The following TAFA4 variants were observed in gnomAD, a reference collection of about 807,000 sequenced individuals.
The protein encoded by TAFA4 is chemokine-like protein TAFA-4.
Under a neutral mutation model 21.1 loss-of-function variants are expected in TAFA4, and 20 were observed. That is an observed-to-expected ratio of 0.95 (90% CI 0.67 to 1.38). The LOEUF (loss-of-function observed/expected upper bound fraction) is 1.38, where lower values mean the gene tolerates loss of function less well. Among genes scored for constraint, TAFA4 ranks in the 40% most tolerant of loss-of-function variants. The pLI, the probability that TAFA4 is intolerant of heterozygous loss-of-function variation, is 0.00. For missense variants in TAFA4, 211 were observed against 180.9 expected, an observed-to-expected ratio of 1.17 and a Z score of -0.95; for synonymous variants, 71 against 67.4, an observed-to-expected ratio of 1.05 and a Z score of -0.26.
chr3:68,875,714 C>A (rs1368870685), intron 3 of TAFA4, among the ~76,000 whole-genome samples: 1 of 152,048 alleles, frequency 6.6e-6, no homozygotes, highest in Admixed American at 6.6e-5. Flanking sequence ...AACTTTAAGA[C>A]TTAATGGTTG....
intron 1 of TAFA4, among the ~76,000 whole-genome samples, chr3:68,902,300 C>A (rs575020921): frequency 1.3e-5 from 2 of 152,272 alleles, no homozygotes; most frequent in African/African-American, 4.8e-5. Flanking sequence ...AGGTATTCCA[C>A]AATCAATGCA....
At chr3:68,920,536 A>G (rs1218378055) in intron 1 of TAFA4, among the ~76,000 whole-genome samples, 1 of 151,990 alleles carries the variant, frequency 6.6e-6, no homozygotes, top group Non-Finnish European at 1.5e-5. Flanking sequence ...TATACTAAAT[A>G]TTTTAAATAT....
At chr3:68,788,440 A>G (rs1355916860) in intron 3 of TAFA4, among the ~76,000 whole-genome samples, 1 of 152,188 alleles carries the variant, frequency 6.6e-6, no homozygotes, top group Non-Finnish European at 1.5e-5. Flanking sequence ...TTAAAAGCAC[A>G]AGTCTTTGCT....
intron 3 of TAFA4, among the ~76,000 whole-genome samples, chr3:68,845,015 C>G (rs1238324517): frequency 1.3e-5 from 2 of 152,148 alleles, no homozygotes; most frequent in Admixed American, 6.5e-5. Flanking sequence ...GAGGAGCGTT[C>G]TGTAGAGATC....
At chr3:68,892,720 G>A (rs1575660977) in intron 1 of TAFA4, among the ~76,000 whole-genome samples, 1 of 152,154 alleles carries the variant, frequency 6.6e-6, no homozygotes, top group Admixed American at 6.6e-5. Flanking sequence ...AAACCACACA[G>A]CATCTTCATT....
chr3:68,816,430 A>C (rs1703977914), intron 3 of TAFA4, among the ~76,000 whole-genome samples: 1 of 152,132 alleles, frequency 6.6e-6, no homozygotes, highest in African/African-American at 2.4e-5. Context: ...AAAATCGTTT[A>C]TGTACTTGAG....
chr3:68,770,070 AGT>A (rs1702924772), intron 3 of TAFA4, among the ~76,000 whole-genome samples: 2 of 152,184 alleles, frequency 1.3e-5, no homozygotes, highest in South Asian at 4.1e-4. Flanking sequence ...CCTCCAAGCC[AGT>A]CAGGAAATCA....
At chr3:68,892,205 T>C (rs139020890) in intron 1 of TAFA4, among the ~76,000 whole-genome samples, 38 of 152,350 alleles carry the variant, frequency 2.5e-4, no homozygotes, top group African/African-American at 8.9e-4. Flanking sequence ...CACCAATATG[T>C]GGTATATACC....
At chr3:68,910,053 G>T (rs1301885924) in intron 1 of TAFA4, among the ~76,000 whole-genome samples, 2 of 152,192 alleles carry the variant, frequency 1.3e-5, no homozygotes, top group African/African-American at 4.8e-5. Context: ...AAGGTCACCT[G>T]CAGTCCTTTA....
At chr3:68,812,867 T>C (rs1703873268) in intron 3 of TAFA4, among the ~76,000 whole-genome samples, 1 of 151,290 alleles carries the variant, frequency 6.6e-6, no homozygotes, top group Admixed American at 6.6e-5. Context: ...ATCAACAGAA[T>C]ATACATTCTT....
intron 3 of TAFA4, among the ~76,000 whole-genome samples, chr3:68,829,423 CT>C (rs1404460873): frequency 1.3e-5 from 2 of 152,124 alleles, no homozygotes; most frequent in Non-Finnish European, 2.9e-5. Flanking sequence ...TGTCAAAGGG[CT>C]TTTCTGCATC....
intron 1 of TAFA4, among the ~76,000 whole-genome samples, chr3:68,916,663 T>C (rs1304972328): frequency 6.6e-6 from 1 of 152,240 alleles, no homozygotes; most frequent in Non-Finnish European, 1.5e-5. Context: ...TTAAGCCTAG[T>C]GGTAGAACGG....
intron 3 of TAFA4, among the ~76,000 whole-genome samples, chr3:68,871,809 A>G (rs1369752891): frequency 6.6e-6 from 1 of 152,186 alleles, no homozygotes; most frequent in African/African-American, 2.4e-5. Context: ...AATGCTCAGC[A>G]TCACTAATCA....
At chr3:68,888,255 T>A (rs917169543) in intron 1 of TAFA4, among the ~76,000 whole-genome samples, 1 of 152,148 alleles carries the variant, frequency 6.6e-6, no homozygotes, top group African/African-American at 2.4e-5. Flanking sequence ...TACTCTGGTT[T>A]CCAATACATG....
intron 1 of TAFA4, among the ~76,000 whole-genome samples, chr3:68,915,697 T>C (rs902711276): frequency 2.0e-5 from 3 of 152,124 alleles, no homozygotes; most frequent in Non-Finnish European, 4.4e-5. Flanking sequence ...GAGGTGACTT[T>C]ATGGGACTGC....
At chr3:68,751,090 A>C (rs1191454139) in intron 4 of TAFA4, among the ~76,000 whole-genome samples, 2 of 152,224 alleles carry the variant, frequency 1.3e-5, no homozygotes, top group Non-Finnish European at 2.9e-5. Context: ...CATGGGGAGG[A>C]GGGCAATGAT....
chr3:68,788,807 T>A (rs1004549405), intron 3 of TAFA4, among the ~76,000 whole-genome samples: 1 of 151,980 alleles, frequency 6.6e-6, no homozygotes, highest in Non-Finnish European at 1.5e-5. Context: ...TTTATTTTTG[T>A]AGAGACAGGA....
Position 68,783,671 on chromosome 3 carries a change from C to CAGAG in TAFA4, c.131-30654_131-30653insCTCT, listed in dbSNP as rs796524736. Among the ~76,000 whole-genome samples the CAGAG allele has an allele frequency of 5.5e-3, 525 of 96,192 alleles. 9 individuals are homozygous for CAGAG. The highest frequency in any genetic ancestry group is 0.025 in the East Asian group (62 of 2,514). The allele number at this position is 96,192 out of a possible 152,430, so 63.1% of individuals were successfully genotyped here. A position where few individuals can be genotyped will look rare whatever the true frequency, so the allele number is the denominator to read the frequency against. On this transcript the variant is annotated intron_variant, in intron 3 of 5. Coordinates refer to ENST00000295569, the MANE Select transcript of TAFA4 (RefSeq NM_182522.5). ...CAAAGAAAAATCACAGACACACACA[C>CAGAG]ACAGAGAGAGAGAGAGAGAGAGAGA...
intron 1 of TAFA4, among the ~76,000 whole-genome samples, chr3:68,921,533 A>G (rs887608713): frequency 6.6e-6 from 1 of 152,180 alleles, no homozygotes; most frequent in Non-Finnish European, 1.5e-5. Context: ...TGGCAGGAGA[A>G]AGCAATAAGC....
Sources: gnomAD v4.1 joint callset for allele counts (sites outside exome capture counted in the v4.1 genomes callset) on GRCh38, gnomAD v4.1.1 for gene constraint, MANE v1.5 for transcripts, NCBI Gene and HGNC (gene_info 2026-07-23, HGNC 2026-07-21) for gene names.